Variants in DHX15 observed in about 807,000 individuals in gnomAD.
DHX15 encodes DEAH-box helicase 15, also known as ATP-dependent RNA helicase DHX15.
A neutral mutation model predicts 94.4 loss-of-function variants in DHX15; 11 were observed. The observed-to-expected ratio is 0.12, with a 90% CI of 0.07 to 0.19. DHX15 has a LOEUF of 0.19. Among genes scored for constraint, DHX15 ranks in the 10% least tolerant of loss-of-function variants. The probability of loss-of-function intolerance (pLI) is 1.00; values close to 1 mark genes in which losing one functional copy is unlikely to be tolerated. For missense variants in DHX15, 304 were observed against 988.5 expected, an observed-to-expected ratio of 0.31 and a Z score of 9.29; for synonymous variants, 338 against 329.9, an observed-to-expected ratio of 1.02 and a Z score of -0.27.
rs1409544848 is a variant in DHX15 at position 24,527,835 on chromosome 4, G to A, written c.*89C>T. 7 of 831,374 alleles carry A rather than the reference G, an allele frequency of 8.4e-6. No individual in the cohort carries two copies. Among genetic ancestry groups the A allele is most frequent in the East Asian group, 5.0e-5 (2 of 40,356 alleles). 51.5% of individuals were successfully genotyped at this position (831,374 alleles called of 1,614,324 possible). On this transcript the variant is annotated 3_prime_UTR_variant, in exon 14 of 14. Transcript: ENST00000336812. ...AAGCTTTCAAATAAAGGCCATTATC[G>A]AACCAACGTGAAGAGCACAACTCGA...
chr4:24,567,151 CAG>C (rs562697009), intron 3 of DHX15, among the ~76,000 whole-genome samples: 31 of 152,180 alleles, frequency 2.0e-4, no homozygotes, highest in Non-Finnish European at 3.7e-4. Context: ...CCTAAAATAA[CAG>C]TAAAATTACC....
chr4:24,567,972 T>C (rs1227734236), intron 3 of DHX15, among the ~76,000 whole-genome samples: 2 of 152,252 alleles, frequency 1.3e-5, no homozygotes, highest in Non-Finnish European at 2.9e-5. Context: ...CACTAAGTTA[T>C]ACCAGATCCA....
intron 12 of DHX15, chr4:24,530,553 G>A (rs1178807152): frequency 6.6e-6 from 1 of 151,556 alleles, no homozygotes; most frequent in Non-Finnish European, 1.5e-5. Context: ...CTCCAGCCTG[G>A]GCGACAGACC....
At chr4:24,583,890 G>C (rs1232020724) in intron 1 of DHX15, among the ~76,000 whole-genome samples, 3 of 152,006 alleles carry the variant, frequency 2.0e-5, no homozygotes, top group Non-Finnish European at 4.4e-5. Flanking sequence ...CCCTCCCCAC[G>C]GCCCCTCTGG....
At chr4:24,555,027 A>C in intron 4 of DHX15, 84 bp from the exon 5 acceptor site, 1 of 991,184 alleles carries the variant, frequency 1.0e-6, no homozygotes, top group Non-Finnish European at 1.5e-6. Context: ...ACTATTCTAC[A>C]TATATCAGCT....
chr4:24,556,087 C>T (rs1577342341), intron 4 of DHX15, among the ~76,000 whole-genome samples, 164 bp downstream of exon 4: 2 of 152,172 alleles, frequency 1.3e-5, no homozygotes, highest in Non-Finnish European at 2.9e-5. Context: ...GAAATAAAGT[C>T]TAAAATGAAA....
At chr4:24,531,191 C>G (rs569287115) in intron 12 of DHX15, among the ~76,000 whole-genome samples, 1 of 152,062 alleles carries the variant, frequency 6.6e-6, no homozygotes, top group South Asian at 2.1e-4. Flanking sequence ...CAGGTTTACG[C>G]CGTTCTCCTG....
intron 5 of DHX15, among the ~76,000 whole-genome samples, chr4:24,553,196 C>T (rs1055167114): frequency 6.6e-6 from 1 of 152,140 alleles, no homozygotes; most frequent in Non-Finnish European, 1.5e-5. Context: ...TGGCGCATGC[C>T]TGTAATCCCA....
intron 2 of DHX15, among the ~76,000 whole-genome samples, chr4:24,573,388 C>T (rs6448283): frequency 0.63 from 95,459 of 152,014 alleles, 30,245 homozygotes; most frequent in Non-Finnish European, 0.66. Context: ...ATCCTAACTC[C>T]AGCTTTCATC....
intron 3 of DHX15, among the ~76,000 whole-genome samples, chr4:24,561,318 T>C (rs1721868709): frequency 1.3e-5 from 2 of 152,144 alleles, no homozygotes; most frequent in Admixed American, 1.3e-4. Flanking sequence ...AGTCAAAAAA[T>C]AACAAGGTTG....
At chr4:24,563,803 C>T (rs1291003386) in intron 3 of DHX15, among the ~76,000 whole-genome samples, 5 of 151,974 alleles carry the variant, frequency 3.3e-5, no homozygotes, top group African/African-American at 9.7e-5. Flanking sequence ...CGGTGGCTCA[C>T]GCCTGTAATC....
chr4:24,570,586 G>A, intron 3 of DHX15, 68 bp downstream of exon 3: 1 of 1,467,368 alleles, frequency 6.8e-7, no homozygotes, highest in Admixed American at 1.7e-5. Flanking sequence ...CACTAGCAAA[G>A]TCTTCTATCT....
chr4:24,547,516 C>T (rs1430587390), intron 6 of DHX15, among the ~76,000 whole-genome samples: 2 of 152,086 alleles, frequency 1.3e-5, no homozygotes, highest in Non-Finnish European at 1.5e-5. Flanking sequence ...CTCAATGAAA[C>T]GAGAAGTACA....
At chr4:24,568,512 T>G (rs1488651014) in intron 3 of DHX15, among the ~76,000 whole-genome samples, 1 of 152,184 alleles carries the variant, frequency 6.6e-6, no homozygotes, top group Non-Finnish European at 1.5e-5. Flanking sequence ...AATACTTCAT[T>G]TGAACTATAA....
intron 7 of DHX15, among the ~76,000 whole-genome samples, chr4:24,542,487 T>C (rs1196556369): frequency 6.6e-6 from 1 of 152,196 alleles, no homozygotes; most frequent in Non-Finnish European, 1.5e-5. Context: ...ATTTATTGAA[T>C]AGCCACTTCA....
At chr4:24,575,299 T>C (rs1296390377) in intron 2 of DHX15, among the ~76,000 whole-genome samples, 3 of 152,216 alleles carry the variant, frequency 2.0e-5, no homozygotes, top group African/African-American at 7.2e-5. Flanking sequence ...GTATGCGGTA[T>C]GTTCAATCTC....
intron 4 of DHX15, 147 bp from the exon 5 acceptor site, chr4:24,555,090 C>T (rs964033428): frequency 5.7e-6 from 3 of 528,640 alleles, no homozygotes; most frequent in Admixed American, 3.6e-5. Context: ...AAATCAAATA[C>T]ATAATGGCTG....
chr4:24,576,874 C>T (rs1269619014), intron 1 of DHX15, among the ~76,000 whole-genome samples, 196 bp from the exon 2 acceptor site: 3 of 152,162 alleles, frequency 2.0e-5, no homozygotes, highest in Non-Finnish European at 4.4e-5. Flanking sequence ...CTTTCCCTTC[C>T]TTGCTGATGC....
intron 6 of DHX15, among the ~76,000 whole-genome samples, chr4:24,547,058 C>T (rs1204639841): frequency 6.6e-6 from 1 of 152,186 alleles, no homozygotes; most frequent in Non-Finnish European, 1.5e-5. Flanking sequence ...TCAGAATGTT[C>T]TTCCTCATAA....
Sources: allele counts gnomAD v4.1 joint callset (sites outside exome capture counted in the v4.1 genomes callset), GRCh38; gene constraint gnomAD v4.1.1; transcripts MANE v1.5; gene names NCBI Gene and HGNC (gene_info 2026-07-23, HGNC 2026-07-21).